The following MIB1 variants were observed in gnomAD, a reference collection of about 807,000 sequenced individuals.
MIB1 encodes MIB E3 ubiquitin protein ligase 1.
MIB1 carries 278 observed loss-of-function variants against 124.5 expected under a neutral mutation model. That is an observed-to-expected ratio of 2.23 (90% confidence interval 2.02 to 2.47). The LOEUF is 2.47. Among genes scored for constraint, MIB1 ranks in the 30% most tolerant of loss-of-function variants. The pLI is 0.00. For missense variants in MIB1, 957 were observed against 1,254.4 expected, an observed-to-expected ratio of 0.76 and a Z score of 3.58; for synonymous variants, 446 against 429.4, an observed-to-expected ratio of 1.04 and a Z score of -0.48.
At chr18:21,777,598 G>T (rs184079369) in intron 4 of MIB1, among the ~76,000 whole-genome samples, 105 of 151,648 alleles carry the variant, frequency 6.9e-4, no homozygotes, top group African/African-American at 2.4e-3. Flanking sequence ...TCTGTTGCCC[G>T]GGCTGGAGTG....
chr18:21,764,411 G>A (rs1271274032), intron 1 of MIB1, among the ~76,000 whole-genome samples: 2 of 151,902 alleles, frequency 1.3e-5, no homozygotes, highest in African/African-American at 4.8e-5. Flanking sequence ...CTTTCTTATC[G>A]GGAAGTACCC....
At chr18:21,825,064 G>A (rs1263436918) in intron 12 of MIB1, among the ~76,000 whole-genome samples, 1 of 152,038 alleles carries the variant, frequency 6.6e-6, no homozygotes, top group Admixed American at 6.6e-5. Context: ...AAGTAGTGAT[G>A]CTTAGCATTT....
intron 19 of MIB1, among the ~76,000 whole-genome samples, 199 bp downstream of exon 19, chr18:21,857,442 A>G (rs1300665430): frequency 6.6e-6 from 1 of 152,228 alleles, no homozygotes; most frequent in Non-Finnish European, 1.5e-5. Context: ...TGATTATGGA[A>G]CTGTGAACAT....
At chr18:21,863,548 T>TCTC (rs1429858747) in intron 20 of MIB1, among the ~76,000 whole-genome samples, 1 of 151,986 alleles carries the variant, frequency 6.6e-6, no homozygotes, top group Non-Finnish European at 1.5e-5. Context: ...TTAAGCCATC[T>TCTC]CTCCTCCGAA....
chr18:21,854,115 G>A (rs746861458), intron 18 of MIB1, among the ~76,000 whole-genome samples: 1 of 150,910 alleles, frequency 6.6e-6, no homozygotes, highest in Non-Finnish European at 1.5e-5. Flanking sequence ...GACTGTTTCT[G>A]TTTACCAAAG....
rs1355105139 is a variant in MIB1 at position 21,866,296 on chromosome 18, G to A, written c.*1630G>A. 2.0e-5 allele frequency: 3 copies of A among 152,168 alleles called. No homozygotes were observed. Among genetic ancestry groups the A allele is most frequent in the Non-Finnish European group, 4.4e-5 (3 of 68,050 alleles). 9.4% of individuals were successfully genotyped at this position (152,168 alleles called of 1,614,324 possible). A position where few individuals can be genotyped will look rare whatever the true frequency, so the allele number is the denominator to read the frequency against. On this transcript the variant is annotated 3_prime_UTR_variant, in exon 21 of 21. Coordinates refer to ENST00000261537, the MANE Select transcript of MIB1 (RefSeq NM_020774.4). ...GGTTTTGTAGTCTCAACAATTCCAT[G>A]TCTGTGTTTAGCTGAGTAACTGCTA...
rs755888693 is a variant in MIB1 at position 21,857,119 on chromosome 18, C to G, written c.2666-11C>G. Reference sequence around the variant, plus strand: ...TCTCTTGTAAGAAGTGTCTGTGTTACCGTTTTCCAGACTGTGCTAACCTGA... The same window carrying G: ...TCTCTTGTAAGAAGTGTCTGTGTTAGCGTTTTCCAGACTGTGCTAACCTGA... On this transcript the variant is annotated splice_polypyrimidine_tract_variant and intron_variant, in intron 18 of 20. Transcript: ENST00000261537. 1.3e-6 allele frequency: 2 copies of G among 1,593,340 alleles called. No homozygotes were observed. Among genetic ancestry groups the G allele is most frequent in the Admixed American group, 3.3e-5 (2 of 59,970 alleles).
At chr18:21,837,799 A>G (rs2042047617) in intron 12 of MIB1, among the ~76,000 whole-genome samples, 1 of 152,224 alleles carries the variant, frequency 6.6e-6, no homozygotes, top group Non-Finnish European at 1.5e-5. Flanking sequence ...GTCAAGTTTT[A>G]ACTTTGCAAT....
At chr18:21,823,539 A>G (rs1490775352) in intron 12 of MIB1, among the ~76,000 whole-genome samples, 1 of 152,220 alleles carries the variant, frequency 6.6e-6, no homozygotes, top group African/African-American at 2.4e-5. Flanking sequence ...GTGCAGATCA[A>G]TATGAGTCTA....
chr18:21,838,364 G>A lies in MIB1; in HGVS notation c.1830-1G>A, dbSNP rs1568221690. On this transcript the variant is annotated splice_acceptor_variant, in intron 12 of 20. Transcript: ENST00000261537. LOFTEE classifies it high-confidence loss of function. Reference sequence around the variant, plus strand: ...AGAAATAATGTGAATTTAACTTTCAGTGCAATGCGTGTTTTACTATCTAAA... The same window carrying A: ...AGAAATAATGTGAATTTAACTTTCAATGCAATGCGTGTTTTACTATCTAAA... 3 of 1,579,840 alleles carry A rather than the reference G, an allele frequency of 1.9e-6. No individual in the cohort carries two copies. Among genetic ancestry groups the A allele is most frequent in the Non-Finnish European group, 2.6e-6 (3 of 1,162,468 alleles).
At chr18:21,862,690 A>G (rs977107874) in intron 20 of MIB1, among the ~76,000 whole-genome samples, 2 of 151,950 alleles carry the variant, frequency 1.3e-5, no homozygotes, top group Non-Finnish European at 2.9e-5. Context: ...GAGTTGGTTC[A>G]CTCTAGGGCT....
chr18:21,709,755 T>C (rs984291659), intron 1 of MIB1, among the ~76,000 whole-genome samples: 1 of 152,194 alleles, frequency 6.6e-6, no homozygotes, highest in Non-Finnish European at 1.5e-5. Flanking sequence ...CTCAAGCATG[T>C]AATGGAGCAA....
chr18:21,707,441 A>G (rs1039767653), intron 1 of MIB1, among the ~76,000 whole-genome samples: 5 of 152,202 alleles, frequency 3.3e-5, no homozygotes, highest in Admixed American at 6.5e-5. Flanking sequence ...GAGGCAACCT[A>G]CTGGGGTCGC....
At chr18:21,729,326 A>G (rs1045501583) in intron 1 of MIB1, among the ~76,000 whole-genome samples, 2 of 152,078 alleles carry the variant, frequency 1.3e-5, no homozygotes, top group Admixed American at 1.3e-4. Flanking sequence ...AAACAATAGA[A>G]ATTTATTTCT....
chr18:21,790,098 T>C (rs1200083660), intron 6 of MIB1, among the ~76,000 whole-genome samples: 1 of 152,262 alleles, frequency 6.6e-6, no homozygotes, highest in East Asian at 1.9e-4. Context: ...ATTACAATTA[T>C]GGTAAATATC....
At chr18:21,776,838 G>A (rs2041294100) in intron 4 of MIB1, among the ~76,000 whole-genome samples, 1 of 152,034 alleles carries the variant, frequency 6.6e-6, no homozygotes, top group Non-Finnish European at 1.5e-5. Flanking sequence ...TTAGTTGGGT[G>A]TGGTGGCATA....
intron 2 of MIB1, among the ~76,000 whole-genome samples, chr18:21,768,172 A>G (rs1489671515): frequency 6.6e-6 from 1 of 152,200 alleles, no homozygotes; most frequent in Non-Finnish European, 1.5e-5. Context: ...TGAGTTTGCC[A>G]TCTCTACAAT....
At chr18:21,813,004 G>A (rs1371225766) in intron 10 of MIB1, among the ~76,000 whole-genome samples, 1 of 152,070 alleles carries the variant, frequency 6.6e-6, no homozygotes, top group Non-Finnish European at 1.5e-5. Flanking sequence ...TAATTTTCTA[G>A]TGTGCGTGTG....
At chr18:21,823,028 G>GT (rs2041892717) in intron 12 of MIB1, among the ~76,000 whole-genome samples, 2 of 152,140 alleles carry the variant, frequency 1.3e-5, no homozygotes, top group Non-Finnish European at 2.9e-5. Context: ...GAGGCTAGGA[G>GT]TTTGAGACCA....
Sources: allele counts gnomAD v4.1 joint callset (sites outside exome capture counted in the v4.1 genomes callset), GRCh38; gene constraint gnomAD v4.1.1; transcripts MANE v1.5; gene names NCBI Gene and HGNC (gene_info 2026-07-23, HGNC 2026-07-21).